The following TMEM135 variants were observed in gnomAD, a reference collection of about 807,000 sequenced individuals.
TMEM135 encodes peroxisomal membrane protein 52.
TMEM135 carries 30 observed loss-of-function variants against 60.3 expected under a neutral mutation model. That is an observed-to-expected ratio of 0.50 (90% CI 0.37 to 0.68). The LOEUF is 0.68. Among genes scored for constraint, TMEM135 ranks in the 30% least tolerant of loss-of-function variants. TMEM135 has a pLI of 0.00. For synonymous variants in TMEM135, 190 were observed against 186.7 expected, an observed-to-expected ratio of 1.02 and a Z score of -0.14; for missense variants, 468 against 548.8, an observed-to-expected ratio of 0.85 and a Z score of 1.47.
At chr11:87,252,798 A>ATATATGTGTGTG (rs1555124821) in intron 6 of TMEM135, among the ~76,000 whole-genome samples, 1 of 134,216 alleles carries the variant, frequency 7.5e-6, no homozygotes, top group African/African-American at 2.8e-5. Context: ...TAAAATATAT[A>ATATATGTGTGTG]TGTGTGTGTG....
chr11:87,093,356 G>A (rs1183316872), intron 4 of TMEM135, among the ~76,000 whole-genome samples: 1 of 151,992 alleles, frequency 6.6e-6, no homozygotes, highest in East Asian at 1.9e-4. Flanking sequence ...GGGACCACAG[G>A]CATGTACCAC....
intron 1 of TMEM135, among the ~76,000 whole-genome samples, chr11:87,052,545 CA>C (rs1406812229): frequency 1.1e-5 from 1 of 88,608 alleles, no homozygotes; most frequent in South Asian, 5.0e-4. Context: ...TTTATGCAGC[CA>C]AAAAACACAT....
chr11:87,124,079 T>G (rs984184342), intron 4 of TMEM135, among the ~76,000 whole-genome samples: 2 of 152,240 alleles, frequency 1.3e-5, no homozygotes, highest in Non-Finnish European at 2.9e-5. Flanking sequence ...TCTATAATCC[T>G]TAATCTCTTG....
chr11:87,135,493 C>CTTTTTTTT (rs376201118), intron 4 of TMEM135, among the ~76,000 whole-genome samples: 8 of 142,024 alleles, frequency 5.6e-5, no homozygotes, highest in Admixed American at 7.1e-5. Context: ...AAGAGTTCAT[C>CTTTTTTTT]TTTTTTTTTT....
intron 4 of TMEM135, among the ~76,000 whole-genome samples, chr11:87,129,922 G>T (rs1405860202): frequency 8.7e-6 from 1 of 115,086 alleles, no homozygotes; most frequent in African/African-American, 3.1e-5. Context: ...TAAATTAATA[G>T]AATGTAAGTA....
At chr11:87,305,805 A>AAAT in intron 8 of TMEM135, 131 bp from the exon 9 acceptor site, 1 of 416,590 alleles carries the variant, frequency 2.4e-6, no homozygotes, top group Non-Finnish European at 4.2e-6. Flanking sequence ...ATAAATAAAT[A>AAAT]AAGTGATGTT....
intron 1 of TMEM135, among the ~76,000 whole-genome samples, chr11:87,047,349 C>T (rs1221046348): frequency 6.6e-6 from 1 of 152,014 alleles, no homozygotes; most frequent in Non-Finnish European, 1.5e-5. Context: ...CGGTCTACAG[C>T]TCCCAGCGTG....
rs199689962 is a variant in TMEM135 at position 87,236,714 on chromosome 11, T to C, written c.509+30T>C. ...GTTCTGTTATACTTATTTACTTTAA[T>C]ACCCCAAACAGTATCTCTTTGTAAT... On this transcript the variant is annotated intron_variant, in intron 6 of 14. Transcript: ENST00000305494. The C allele has an allele frequency of 3.2e-6, 5 of 1,585,774 alleles. No homozygotes were observed. The African/African-American group carries it at 6.7e-5, about 21-fold the overall frequency.
chr11:87,267,292 T>C (rs2135406870), intron 6 of TMEM135, among the ~76,000 whole-genome samples: 1 of 152,278 alleles, frequency 6.6e-6, no homozygotes, highest in South Asian at 2.1e-4. Context: ...ATTTCATTTA[T>C]TTAGATATAT....
At chr11:87,222,613 G>C (rs1940659861) in intron 5 of TMEM135, among the ~76,000 whole-genome samples, 1 of 151,228 alleles carries the variant, frequency 6.6e-6, no homozygotes, top group Non-Finnish European at 1.5e-5. Flanking sequence ...AGACCAGCCT[G>C]ACTAACATAG....
chr11:87,059,311 T>C lies in TMEM135; in HGVS notation c.142-8383T>C, dbSNP rs539729756. Among the ~76,000 whole-genome samples, 3 of 151,320 alleles carry C rather than the reference T, an allele frequency of 2.0e-5. No individual in the cohort carries two copies. In the East Asian group the frequency reaches 5.8e-4, roughly 29 times the overall value. On this transcript the variant is annotated intron_variant, in intron 1 of 14. Coordinates refer to ENST00000305494, the MANE Select transcript of TMEM135 (RefSeq NM_022918.4). ...TTAGTTCTGTTGTTTGAAGTTCTTT[T>C]TTTTTTTTTTTGAGATGGAGTCTCG...
chr11:87,228,110 A>G (rs1940804668), intron 5 of TMEM135, among the ~76,000 whole-genome samples: 1 of 152,198 alleles, frequency 6.6e-6, no homozygotes, highest in Non-Finnish European at 1.5e-5. Context: ...TGCCACCTAT[A>G]GGATGAAGTG....
Position 87,325,599 on chromosome 11 carries a change from T to C in TMEM135, c.*4266T>C. The C allele has an allele frequency of 2.2e-6, 1 of 454,014 alleles. No homozygotes were observed. The highest frequency in any genetic ancestry group is 1.6e-5 in the South Asian group (1 of 64,474). 28.1% of individuals were successfully genotyped at this position (454,014 alleles called of 1,614,324 possible). On this transcript the variant is annotated 3_prime_UTR_variant, in exon 15 of 15. Transcript: ENST00000305494. ...TGGTGTTACTTTATGTTAACTAGTC[T>C]CCTTGGACTTCATTGCAACCTTTTA...
At chr11:87,124,626 C>T (rs192176320) in intron 4 of TMEM135, among the ~76,000 whole-genome samples, 9 of 152,082 alleles carry the variant, frequency 5.9e-5, no homozygotes, top group Admixed American at 2.0e-4. Flanking sequence ...TCATTTAATA[C>T]GTATGTGTTG....
At chr11:87,183,135 A>ATTTTT (rs772123636) in intron 5 of TMEM135, among the ~76,000 whole-genome samples, 7 of 92,616 alleles carry the variant, frequency 7.6e-5, no homozygotes, top group Non-Finnish European at 1.4e-4. Context: ...GTAATCACTA[A>ATTTTT]TTTTTTTTTT....
chr11:87,157,730 G>C (rs1591063568), intron 5 of TMEM135: 1 of 286,288 alleles, frequency 3.5e-6, no homozygotes, highest in Non-Finnish European at 6.7e-6. Context: ...TTTCTATTTT[G>C]TGTTATACAG....
At chr11:87,288,667 G>GTT (rs11453229) in intron 6 of TMEM135, among the ~76,000 whole-genome samples, 4,944 of 151,952 alleles carry the variant, frequency 0.033, 298 homozygotes, top group African/African-American at 0.11. Flanking sequence ...TTTACTTTTA[G>GTT]TTTTTTTATA....
intron 6 of TMEM135, among the ~76,000 whole-genome samples, chr11:87,289,411 G>C (rs1396847257): frequency 8.9e-6 from 1 of 112,702 alleles, no homozygotes; most frequent in Non-Finnish European, 1.8e-5. Flanking sequence ...CTGTGATTTT[G>C]TATCCTTTAA....
intron 4 of TMEM135, among the ~76,000 whole-genome samples, chr11:87,120,366 A>G (rs1383077216): frequency 1.3e-5 from 2 of 151,900 alleles, no homozygotes; most frequent in East Asian, 3.9e-4. Context: ...TTGGCCTCTC[A>G]AAACTCTGGG....
Sources: allele counts gnomAD v4.1 joint callset (sites outside exome capture counted in the v4.1 genomes callset), GRCh38; gene constraint gnomAD v4.1.1; transcripts MANE v1.5; gene names NCBI Gene and HGNC (gene_info 2026-07-23, HGNC 2026-07-21).